The following TPRA1 variants were observed in gnomAD, a reference collection of about 807,000 sequenced individuals.
The protein encoded by TPRA1 is transmembrane protein adipocyte-associated 1.
TPRA1 carries 28 observed loss-of-function variants against 40.1 expected under a neutral mutation model. The observed-to-expected ratio is 0.70, with a 90% CI of 0.52 to 0.96. The LOEUF is 0.96. Ranked by LOEUF, TPRA1 falls within the 40% of genes least tolerant of loss-of-function variation. The probability of loss-of-function intolerance (pLI) is 0.00; values close to 1 mark genes in which losing one functional copy is unlikely to be tolerated. For missense variants in TPRA1, 441 were observed against 482.6 expected (o/e 0.91, Z 0.81); for synonymous variants, 219 against 209.7 (o/e 1.04, Z -0.38).
At chr3:127,584,614 A>AGCT (rs1237183102) in intron 1 of TPRA1, among the ~76,000 whole-genome samples, 1 of 152,144 alleles carries the variant, frequency 6.6e-6, no homozygotes, top group Non-Finnish European at 1.5e-5. Context: ...AATGGAGTTT[A>AGCT]GCTTACACAT....
chr3:127,591,600 C>A (rs1044514989), upstream of TPRA1, among the ~76,000 whole-genome samples: 5 of 152,208 alleles, frequency 3.3e-5, no homozygotes, highest in African/African-American at 4.8e-5. Context: ...CCTGTTCCCC[C>A]GCAGAGCTGG....
At chr3:127,577,363 T>C (rs576333580) in intron 3 of TPRA1, among the ~76,000 whole-genome samples, 5 of 152,272 alleles carry the variant, frequency 3.3e-5, no homozygotes, top group African/African-American at 9.6e-5. Context: ...GGAGTGCGCA[T>C]GGTGGAGCCA....
intron 1 of TPRA1, among the ~76,000 whole-genome samples, chr3:127,585,924 G>A (rs1244910575): frequency 1.3e-5 from 2 of 152,214 alleles, no homozygotes; most frequent in East Asian, 3.8e-4. Flanking sequence ...GGAGGACTGT[G>A]GATTTTTTTG....
rs201752246 is a variant in TPRA1, at chr3:127,576,875, G to A, written c.364C>T (p.Arg122Cys). The change falls in exon 5 of 11, where the codon CGC (arginine) becomes TGC (cysteine). Residue 122 changes from arginine (R) to cysteine (C), a missense_variant. Arg to Cys is a radical substitution (Grantham distance 180). Transcript: ENST00000355552. This position sits in a 1 kb window ranked among gnomAD's most constrained non-coding sequence, Gnocchi z 4.6. ...VADKILWEIT[R>C]FFLLAIELSV... ...AGCTCGATGGCCAGCAGGAAGAAGC[G>A]GGTGATCTCCCACAGGATCTGCACG... The A allele has an allele frequency of 1.8e-5, 29 of 1,613,756 alleles. No individual in the cohort carries two copies. The highest frequency in any genetic ancestry group is 1.3e-4 in the African/African-American group (10 of 74,954).
chr3:127,574,092 C>T (rs2073481167), intron 10 of TPRA1, among the ~76,000 whole-genome samples: 2 of 152,224 alleles, frequency 1.3e-5, no homozygotes, highest in Non-Finnish European at 2.9e-5. Context: ...TTCAACAGTG[C>T]CTGCCCAAGC....
At chr3:127,575,104 G>T in intron 10 of TPRA1, 81 bp downstream of exon 10, 3 of 1,490,748 alleles carry the variant, frequency 2.0e-6, no homozygotes, top group Non-Finnish European at 1.9e-6. Flanking sequence ...CAGCCTCTCA[G>T]CTTCAATCCT....
intron 3 of TPRA1, among the ~76,000 whole-genome samples, chr3:127,579,246 G>A (rs1026844749): frequency 6.6e-6 from 1 of 152,234 alleles, no homozygotes; most frequent in Non-Finnish European, 1.5e-5. Flanking sequence ...ACGAATGGAT[G>A]GAGGATGCAG....
Position 127,575,432 on chromosome 3 carries a change from C to CA in TPRA1, c.743dup (p.Leu249AlafsTer101). ...GCCCCTCGATGATGTCGAAGCACAG[C>CA]AGCACACTCCCCAGCCCCTGCAGTA... On this transcript the variant is annotated frameshift_variant, in exon 9 of 11. Transcript: ENST00000355552. LOFTEE classifies it high-confidence loss of function. The CA allele has an allele frequency of 6.2e-7, 1 of 1,601,042 alleles. No homozygotes were observed. Among genetic ancestry groups the CA allele is most frequent in the Non-Finnish European group, 8.5e-7 (1 of 1,174,076 alleles).
Position 127,573,762 on chromosome 3 carries a change from TAGGAGA to T in TPRA1, c.875_880del (p.Phe292_Ser293del), listed in dbSNP as rs2073466241. 6.3e-7 allele frequency: 1 copy of T among 1,584,080 alleles called. No homozygotes were observed. The highest frequency in any genetic ancestry group is 1.7e-5 in the Admixed American group (1 of 57,342). On this transcript the variant is annotated inframe_deletion, in exon 11 of 11. Transcript: ENST00000355552. ...CTCTGTCTCGTCCACTTGGCATTTG[TAGGAGA>T]AGAGGATCTTGGGCTCCGAGCTGAT... is the stretch of plus-strand genomic sequence containing the variant.
Position 127,573,187 on chromosome 3 carries a change from TG to T in TPRA1, c.*333del, listed in dbSNP as rs2073428997. 4.0e-6 allele frequency: 1 copy of T among 252,648 alleles called. No individual in the cohort carries two copies. Among genetic ancestry groups the T allele is most frequent in the Admixed American group, 5.0e-5 (1 of 19,832 alleles). The allele number at this position is 252,648 out of a possible 1,614,324, so 15.7% of individuals were successfully genotyped here. A position where few individuals can be genotyped will look rare whatever the true frequency, so the allele number is the denominator to read the frequency against. On this transcript the variant is annotated 3_prime_UTR_variant, in exon 11 of 11. Coordinates refer to ENST00000355552, the MANE Select transcript of TPRA1 (RefSeq NM_001136053.4). The stretch of plus-strand genomic sequence containing the variant: ...CACCATGGGGATGGGATGGAGGCAT[TG>T]GGAGAGCCAGCCCTGCCCTCGTGCC...
upstream of TPRA1, among the ~76,000 whole-genome samples, chr3:127,594,372 T>TG (rs964216674): frequency 6.6e-6 from 1 of 152,038 alleles, no homozygotes; most frequent in Admixed American, 6.5e-5. Context: ...GCATACATGG[T>TG]GGGAAGATAT....
intron 7 of TPRA1, 26 bp downstream of exon 7, chr3:127,575,903 GCCCCAGCCACC>G (rs1453680061): frequency 6.2e-7 from 1 of 1,611,670 alleles, no homozygotes; most frequent in South Asian, 1.1e-5. Context: ...TGGCCCTAAG[GCCCCAGCCACC>G]CCAGCTGCCC....
intron 1 of TPRA1, among the ~76,000 whole-genome samples, chr3:127,589,799 C>A (rs1241369696): frequency 6.6e-6 from 1 of 152,210 alleles, no homozygotes; most frequent in Non-Finnish European, 1.5e-5. Context: ...TAGAACAAGG[C>A]CTGGCACGAC....
At chr3:127,596,843 G>A (rs1365481003) in intron 1 of TPRA1, among the ~76,000 whole-genome samples, 4 of 152,246 alleles carry the variant, frequency 2.6e-5, no homozygotes, top group Middle Eastern at 3.4e-3. Flanking sequence ...CTGGCCGGGC[G>A]TGGTGGCTCA....
Position 127,575,763 on chromosome 3 carries a change from C to G in TPRA1, c.656G>C (p.Arg219Pro). 6.2e-7 allele frequency: 1 copy of G among 1,613,678 alleles called. No homozygotes were observed. Among genetic ancestry groups the G allele is most frequent in the Non-Finnish European group, 8.5e-7 (1 of 1,179,950 alleles). Residue 219 changes from arginine to proline, a missense_variant, in exon 8 of 11, where the codon CGC becomes CCC. Transcript: ENST00000355552. ...VILPKTPLKERISLPSRRSFY... is the reference protein window; with the variant it reads ...VILPKTPLKEPISLPSRRSFY... ...CAGCTGCTCACAAGGCAGGGAGATGCGCTCCTTCAGCGGGGTCTTGGGAAG... is the reference window on the plus strand; with the variant it reads ...CAGCTGCTCACAAGGCAGGGAGATGGGCTCCTTCAGCGGGGTCTTGGGAAG...
Position 127,573,641 on chromosome 3 carries a change from C to G in TPRA1, c.1002G>C (p.Ser334=), listed in dbSNP as rs530584502. ...CGCCGGCAGAGTCGAACTGCGTGCT[C>G]GAGTAGCTGGCAGCTGAGGCCCCAG... The part of the protein sequence containing the change: ...GAAGASAASY[S]STQFDSAGGV... Residue 334 remains serine (S), a synonymous_variant, in exon 11 of 11, where the codon TCG becomes TCC. Transcript: ENST00000355552. 1.9e-6 allele frequency: 3 copies of G among 1,613,394 alleles called. No homozygotes were observed. Among genetic ancestry groups the G allele is most frequent in the Admixed American group, 3.3e-5 (2 of 60,026 alleles).
chr3:127,573,295 C>G lies in TPRA1; in HGVS notation c.*226G>C. Reference sequence around the variant, plus strand: ...GGAAAGCCTGGGCCATGTCACTGAGCAGTATGAGAGCAGGTGGGAAGGGGA... The same window carrying G: ...GGAAAGCCTGGGCCATGTCACTGAGGAGTATGAGAGCAGGTGGGAAGGGGA... On this transcript the variant is annotated 3_prime_UTR_variant, in exon 11 of 11. Transcript: ENST00000355552. The G allele has an allele frequency of 1.9e-6, 1 of 528,024 alleles. No homozygotes were observed. The highest frequency in any genetic ancestry group is 3.3e-6 in the Non-Finnish European group (1 of 305,768). 32.7% of individuals were successfully genotyped at this position (528,024 alleles called of 1,614,324 possible).
At chr3:127,592,386 T>TG (rs2074192280), upstream of TPRA1, among the ~76,000 whole-genome samples, 1 of 142,684 alleles carries the variant, frequency 7.0e-6, no homozygotes, top group African/African-American at 2.6e-5. Context: ...TTTTTTTTTT[T>TG]TTTTTTTTTT....
At chr3:127,575,125 C>A (rs1414965265) in intron 10 of TPRA1, 60 bp downstream of exon 10, 2 of 1,567,226 alleles carry the variant, frequency 1.3e-6, no homozygotes, top group East Asian at 4.5e-5. Flanking sequence ...CACACCCATG[C>A]TGGAAGAAGG....
Sources: gnomAD v4.1 joint callset for allele counts (sites outside exome capture counted in the v4.1 genomes callset) on GRCh38, gnomAD v4.1.1 for gene constraint, Gnocchi (gnomAD v3.1) non-coding constraint, MANE v1.5 for transcripts, NCBI Gene and HGNC (gene_info 2026-07-23, HGNC 2026-07-21) for gene names.